The following LRRC8C variants were observed in gnomAD, a reference collection of about 807,000 sequenced individuals.
The protein encoded by LRRC8C is volume-regulated anion channel subunit LRRC8C.
Under a neutral mutation model 55.3 loss-of-function variants are expected in LRRC8C, and 20 were observed. The observed-to-expected ratio is 0.36, with a 90% CI of 0.25 to 0.53. The LOEUF is 0.53. Among genes scored for constraint, LRRC8C ranks in the 20% least tolerant of loss-of-function variants. The pLI is 0.92. For synonymous variants in LRRC8C, 376 were observed against 360.7 expected, an observed-to-expected ratio of 1.04 and a Z score of -0.48; for missense variants, 659 against 951.4, an observed-to-expected ratio of 0.69 and a Z score of 4.04.
In LRRC8C at chr1:89,704,346, G is replaced by A. The variant is rs533300318; in HGVS notation, c.139-8363G>A. ...TAGTAGCAAAACTCCCTACATGCAT[G>A]TCATCATGGGAATGTCTTCAGTAAA... On this transcript the variant is annotated intron_variant, in intron 2 of 2. Transcript: ENST00000370454. Among the ~76,000 whole-genome samples the A allele has an allele frequency of 6.6e-5, 10 of 152,222 alleles. No homozygotes were observed. The South Asian group carries it at 2.1e-3, about 32-fold the overall frequency.
In LRRC8C at chr1:89,659,064, TGTGTGTGTGTGTG is replaced by T. The variant is rs1657040647; in HGVS notation, c.-5+25743_-5+25755del. 2.7e-4 allele frequency among the ~76,000 whole-genome samples: 7 copies of T among 25,830 alleles called. 1 individual carries two copies. Among genetic ancestry groups the T allele is most frequent in the East Asian group, 4.5e-3 (2 of 440 alleles). 16.9% of individuals were successfully genotyped at this position (25,830 alleles called of 152,430 possible). The stretch of plus-strand genomic sequence containing the variant: ...CTTCTCCAGGTTTTTTTTTTTTTTG[TGTGTGTGTGTGTG>T]TGTGTGTGTGTGTGTGTGTGTGTGT... On this transcript the variant is annotated intron_variant, in intron 1 of 2. Coordinates refer to ENST00000370454, the MANE Select transcript of LRRC8C (RefSeq NM_032270.5).
intron 1 of LRRC8C, among the ~76,000 whole-genome samples, chr1:89,660,254 G>T (rs1657077645): frequency 6.6e-6 from 1 of 152,128 alleles, no homozygotes; most frequent in Admixed American, 6.6e-5. Context: ...ATAAAGCTCT[G>T]GTTTTTCCCT....
chr1:89,658,371 G>A (rs1201781805), intron 1 of LRRC8C, among the ~76,000 whole-genome samples: 1 of 152,136 alleles, frequency 6.6e-6, no homozygotes, highest in East Asian at 1.9e-4. Flanking sequence ...AATGAAGACT[G>A]TTTGAAAATA....
the LRRC8C span, among the ~76,000 whole-genome samples, chr1:89,618,687 C>T: frequency 6.6e-6 from 1 of 152,182 alleles, no homozygotes; most frequent in South Asian, 2.1e-4. Context: ...AAAGTTTTGT[C>T]ACCATTACAA....
intron 2 of LRRC8C, among the ~76,000 whole-genome samples, chr1:89,694,648 C>CAT (rs1282983438): frequency 1.6e-5 from 2 of 126,320 alleles, no homozygotes; most frequent in Non-Finnish European, 3.1e-5. Context: ...GGAATGTGTG[C>CAT]ATTGGCATGA....
intron 1 of LRRC8C, among the ~76,000 whole-genome samples, chr1:89,638,090 T>C (rs1402880496): frequency 6.6e-6 from 1 of 152,180 alleles, no homozygotes; most frequent in Admixed American, 6.5e-5. Flanking sequence ...ACTGAAAATG[T>C]TCCAGATGAC....
At chr1:89,710,767 C>G (rs1658628677) in intron 2 of LRRC8C, among the ~76,000 whole-genome samples, 1 of 152,172 alleles carries the variant, frequency 6.6e-6, no homozygotes. Context: ...AAGCAGTAAG[C>G]CTTTTCTGTA....
chr1:89,653,351 AGTGTTT>A (rs755564393), intron 1 of LRRC8C, among the ~76,000 whole-genome samples: 16 of 152,028 alleles, frequency 1.1e-4, no homozygotes, highest in Non-Finnish European at 2.4e-4. Flanking sequence ...AAAAGATGTC[AGTGTTT>A]AAGTTTTTGC....
chr1:89,627,507 C>T, the LRRC8C span, among the ~76,000 whole-genome samples: 1 of 152,028 alleles, frequency 6.6e-6, no homozygotes, highest in African/African-American at 2.4e-5. Flanking sequence ...CTCATGAAGG[C>T]ACATATGGGA....
Position 89,715,245 on chromosome 1 carries a change from T to C in LRRC8C, c.*263T>C, listed in dbSNP as rs1325503492. The C allele has an allele frequency of 7.9e-6, 2 of 252,904 alleles. No homozygotes were observed. The highest frequency in any genetic ancestry group is 1.5e-5 in the Non-Finnish European group (2 of 135,874). 15.7% of individuals were successfully genotyped at this position (252,904 alleles called of 1,614,324 possible). A position where few individuals can be genotyped will look rare whatever the true frequency, so the allele number is the denominator to read the frequency against. ...GTTCCATTTGGTTTTTTGTTTTTGT[T>C]TTTTAGTTCATTCTTGTGGAAAGGA... On this transcript the variant is annotated 3_prime_UTR_variant, in exon 3 of 3. Transcript: ENST00000370454.
At chr1:89,634,349 G>A (rs527933032) in intron 1 of LRRC8C, among the ~76,000 whole-genome samples, 4 of 152,300 alleles carry the variant, frequency 2.6e-5, no homozygotes, top group Non-Finnish European at 5.9e-5. Context: ...GGCACGGGGA[G>A]GCTTGAATTA....
At chr1:89,625,620 G>A in the LRRC8C span, among the ~76,000 whole-genome samples, 1 of 152,152 alleles carries the variant, frequency 6.6e-6, no homozygotes, top group African/African-American at 2.4e-5. Context: ...GCATGGCTAC[G>A]GCATTTCCTA....
chr1:89,635,808 C>T (rs1314659475), intron 1 of LRRC8C, among the ~76,000 whole-genome samples: 1 of 152,178 alleles, frequency 6.6e-6, no homozygotes, highest in Non-Finnish European at 1.5e-5. Flanking sequence ...TTTACTCCTG[C>T]CCATCAGCTA....
chr1:89,686,444 T>C (rs898342612), intron 1 of LRRC8C, 26 bp from the exon 2 acceptor site: 2 of 1,612,962 alleles, frequency 1.2e-6, no homozygotes, highest in South Asian at 2.2e-5. Flanking sequence ...GATAAATTGA[T>C]TTACAAGTAA....
intron 1 of LRRC8C, among the ~76,000 whole-genome samples, chr1:89,648,096 G>T (rs1407157411): frequency 1.3e-5 from 2 of 151,968 alleles, no homozygotes; most frequent in Non-Finnish European, 2.9e-5. Flanking sequence ...ATTTTATAAA[G>T]CATGTTATGA....
chr1:89,632,045 C>G (rs1656121574), upstream of LRRC8C: 1 of 152,202 alleles, frequency 6.6e-6, no homozygotes, highest in Non-Finnish European at 1.5e-5. Flanking sequence ...ACTGCCAGCG[C>G]GGAGCACTAG....
Position 89,715,929 on chromosome 1 carries a change from C to A in LRRC8C, c.*947C>A, listed in dbSNP as rs546076983. Reference sequence around the variant, plus strand: ...CAGTGAGGCCCTCTCCTTTTCTCAGCACAGTGTGGCAGTGGTAATCTATTC... The same window carrying A: ...CAGTGAGGCCCTCTCCTTTTCTCAGAACAGTGTGGCAGTGGTAATCTATTC... On this transcript the variant is annotated 3_prime_UTR_variant, in exon 3 of 3. Transcript: ENST00000370454. 1 of 152,226 alleles carries A rather than the reference C, an allele frequency of 6.6e-6. No homozygotes were observed. The highest frequency in any genetic ancestry group is 1.9e-4 in the East Asian group (1 of 5,184). 9.4% of individuals were successfully genotyped at this position (152,226 alleles called of 1,614,324 possible). A position where few individuals can be genotyped will look rare whatever the true frequency, so the allele number is the denominator to read the frequency against.
intron 1 of LRRC8C, among the ~76,000 whole-genome samples, chr1:89,663,265 G>C (rs924928377): frequency 2.0e-5 from 3 of 152,080 alleles, no homozygotes; most frequent in Admixed American, 1.3e-4. Context: ...CTATTGTGAA[G>C]AGTGCTGCAA....
intron 1 of LRRC8C, among the ~76,000 whole-genome samples, chr1:89,659,062 TGTGTGTGTGTGTGTG>T (rs1232045516): frequency 1.8e-4 from 12 of 66,908 alleles, no homozygotes; most frequent in African/African-American, 7.7e-4. Flanking sequence ...TTTTTTTTTT[TGTGTGTGTGTGTGTG>T]TGTGTGTGTG....
Sources: gnomAD v4.1 joint callset for allele counts (sites outside exome capture counted in the v4.1 genomes callset) on GRCh38, gnomAD v4.1.1 for gene constraint, MANE v1.5 for transcripts, NCBI Gene and HGNC (gene_info 2026-07-23, HGNC 2026-07-21) for gene names.